STK32B: variants seen among roughly 807,000 people sequenced by gnomAD.
The protein encoded by STK32B is serine/threonine kinase 32B.
A neutral mutation model predicts 52.6 loss-of-function variants in STK32B; 43 were observed. That is an observed-to-expected ratio of 0.82 (90% CI 0.64 to 1.05). The LOEUF (loss-of-function observed/expected upper bound fraction) is 1.05. Ranked by LOEUF, STK32B falls within the 50% of genes least tolerant of loss-of-function variation. STK32B has a pLI of 0.00. For synonymous variants in STK32B, 238 were observed against 204.3 expected (o/e 1.17, Z -1.41); for missense variants, 621 against 534.6 (o/e 1.16, Z -1.59).
At chr4:5,336,958 T>C (rs1037875787) in intron 4 of STK32B, among the ~76,000 whole-genome samples, 3 of 151,974 alleles carry the variant, frequency 2.0e-5, no homozygotes, top group African/African-American at 7.3e-5. Context: ...ATCAGAATAG[T>C]TTTGAATTTC....
At chr4:5,155,940 C>T (rs984045851) in intron 2 of STK32B, among the ~76,000 whole-genome samples, 9 of 152,036 alleles carry the variant, frequency 5.9e-5, no homozygotes, top group African/African-American at 1.9e-4. Context: ...AATATGTACA[C>T]GTGCATATAC....
At chr4:5,485,580 C>T (rs1169391561) in intron 11 of STK32B, among the ~76,000 whole-genome samples, 4 of 152,308 alleles carry the variant, frequency 2.6e-5, no homozygotes, top group East Asian at 1.9e-4. Context: ...GCCTTCTTCT[C>T]TCAACTTGTC....
chr4:5,137,099 A>T (rs922704379), intron 1 of STK32B, among the ~76,000 whole-genome samples: 4 of 152,192 alleles, frequency 2.6e-5, no homozygotes, highest in Non-Finnish European at 4.4e-5. Context: ...ACCTCCCTCC[A>T]GTTAGGAGAC....
chr4:5,306,576 G>C (rs544365312), intron 3 of STK32B, among the ~76,000 whole-genome samples: 2 of 152,252 alleles, frequency 1.3e-5, no homozygotes, highest in African/African-American at 4.8e-5. Context: ...TACTTGGTTG[G>C]TGAGTTCTTA....
intron 3 of STK32B, among the ~76,000 whole-genome samples, chr4:5,250,144 A>T (rs1328060921): frequency 2.6e-5 from 4 of 151,946 alleles, no homozygotes; most frequent in African/African-American, 7.3e-5. Flanking sequence ...TATTTTCTTT[A>T]TCCAGTCTGC....
At chr4:5,473,040 G>A (rs1260300025) in intron 11 of STK32B, among the ~76,000 whole-genome samples, 1 of 152,052 alleles carries the variant, frequency 6.6e-6, no homozygotes, top group Non-Finnish European at 1.5e-5. Flanking sequence ...ACCCCCAGTT[G>A]AGAGCCAGTG....
chr4:5,315,131 A>T (rs1318200330), intron 3 of STK32B, among the ~76,000 whole-genome samples: 1 of 152,154 alleles, frequency 6.6e-6, no homozygotes, highest in African/African-American at 2.4e-5. Context: ...TCAACAGTAA[A>T]TTTTTTTAAT....
At chr4:5,137,475 C>T (rs559166649) in intron 1 of STK32B, among the ~76,000 whole-genome samples, 4 of 152,302 alleles carry the variant, frequency 2.6e-5, no homozygotes, top group Admixed American at 2.0e-4. Context: ...GGTATCCCAA[C>T]TGGAAGAAAC....
intron 1 of STK32B, among the ~76,000 whole-genome samples, chr4:5,063,381 C>T (rs28645120): frequency 0.019 from 2,846 of 152,168 alleles, 83 homozygotes; most frequent in African/African-American, 0.065. Context: ...CTCGCTCTGT[C>T]ACCCAGGCTG....
At chr4:5,160,783 G>A (rs996161818) in intron 2 of STK32B, among the ~76,000 whole-genome samples, 4 of 152,340 alleles carry the variant, frequency 2.6e-5, no homozygotes, top group Non-Finnish European at 4.4e-5. Flanking sequence ...ATGGATGCAC[G>A]AAGCAGGAAG....
At chr4:5,324,912 T>C (rs1258494396) in intron 3 of STK32B, among the ~76,000 whole-genome samples, 5 of 152,174 alleles carry the variant, frequency 3.3e-5, no homozygotes, top group African/African-American at 4.8e-5. Flanking sequence ...TGCCGACTTC[T>C]CCCACTAAAT....
intron 1 of STK32B, among the ~76,000 whole-genome samples, chr4:5,110,630 A>G (rs370502216): frequency 6.6e-6 from 1 of 152,290 alleles, no homozygotes; most frequent in Non-Finnish European, 1.5e-5. Flanking sequence ...AAAGACCTAA[A>G]TGTAAGACCT....
chr4:5,402,596 G>GTGAC (rs1737374142), intron 5 of STK32B, among the ~76,000 whole-genome samples: 1 of 152,180 alleles, frequency 6.6e-6, no homozygotes, highest in Admixed American at 6.5e-5. Context: ...ATGGTCTGGG[G>GTGAC]TGACTGTTCT....
chr4:5,199,160 C>G (rs1265138283), intron 3 of STK32B, among the ~76,000 whole-genome samples: 3 of 152,158 alleles, frequency 2.0e-5, no homozygotes, highest in African/African-American at 7.2e-5. Flanking sequence ...CTGCCCTTCT[C>G]AGCCACAATT....
intron 3 of STK32B, among the ~76,000 whole-genome samples, chr4:5,186,213 A>G (rs1368713937): frequency 6.6e-6 from 1 of 152,122 alleles, no homozygotes. Flanking sequence ...TCGGGACACC[A>G]GCCCCAGACA....
intron 4 of STK32B, among the ~76,000 whole-genome samples, chr4:5,368,457 T>C (rs1461109923): frequency 1.3e-5 from 2 of 151,554 alleles, no homozygotes; most frequent in Non-Finnish European, 2.9e-5. Flanking sequence ...TCTACTATTA[T>C]TCCTAATTAT....
At chr4:5,164,521 C>G (rs190338303) in intron 2 of STK32B, among the ~76,000 whole-genome samples, 1 of 152,202 alleles carries the variant, frequency 6.6e-6, no homozygotes, top group South Asian at 2.1e-4. Context: ...TCACACATGC[C>G]GCAGACTGGG....
intron 3 of STK32B, among the ~76,000 whole-genome samples, chr4:5,293,942 A>G (rs1729040634): frequency 6.6e-6 from 1 of 152,066 alleles, no homozygotes; most frequent in Admixed American, 6.6e-5. Context: ...TAAGTCTTTA[A>G]TCCATCTTGA....
intron 4 of STK32B, among the ~76,000 whole-genome samples, chr4:5,346,901 G>T (rs148616153): frequency 6.6e-6 from 1 of 152,324 alleles, no homozygotes; most frequent in East Asian, 1.9e-4. Context: ...GGAAAGGGAA[G>T]CAAGCATGTC....
Sources: allele counts gnomAD v4.1 joint callset (sites outside exome capture counted in the v4.1 genomes callset), GRCh38; gene constraint gnomAD v4.1.1; transcripts MANE v1.5; gene names NCBI Gene and HGNC (gene_info 2026-07-23, HGNC 2026-07-21).